The following ARHGAP24 variants were observed in gnomAD, a reference collection of about 807,000 sequenced individuals.
ARHGAP24 encodes rho GTPase-activating protein 24.
In ARHGAP24, 50 loss-of-function variants were observed where a neutral mutation model predicts 76.4. The observed-to-expected ratio is 0.65, with a 90% confidence interval of 0.52 to 0.83. The LOEUF (loss-of-function observed/expected upper bound fraction) is 0.83, where lower values mean the gene tolerates loss of function less well. ARHGAP24 is among the 40% of genes least tolerant of loss of function. The probability of loss-of-function intolerance (pLI) is 0.00; values close to 1 mark genes in which losing one functional copy is unlikely to be tolerated. For missense variants in ARHGAP24, 930 were observed against 914.2 expected (o/e 1.02, Z -0.22); for synonymous variants, 345 against 323.3 (o/e 1.07, Z -0.72).
At chr4:85,955,302 C>A (rs1348369810) in intron 5 of ARHGAP24, among the ~76,000 whole-genome samples, 1 of 151,434 alleles carries the variant, frequency 6.6e-6, no homozygotes, top group Non-Finnish European at 1.5e-5. Context: ...AATTCCCCTT[C>A]CTTCTGGAGT....
chr4:85,556,520 G>A (rs541216875), intron 1 of ARHGAP24, among the ~76,000 whole-genome samples: 2 of 152,276 alleles, frequency 1.3e-5, no homozygotes, highest in South Asian at 4.1e-4. Flanking sequence ...GACAGTCAGG[G>A]CAGTACTGCT....
intron 3 of ARHGAP24, among the ~76,000 whole-genome samples, chr4:85,770,907 T>A (rs1465185807): frequency 6.6e-6 from 1 of 152,080 alleles, no homozygotes; most frequent in East Asian, 1.9e-4. Context: ...GGCAGGAGAG[T>A]GAACTGAGAT....
intron 2 of ARHGAP24, among the ~76,000 whole-genome samples, chr4:85,581,162 C>T (rs1433756296): frequency 1.3e-5 from 2 of 151,966 alleles, no homozygotes; most frequent in East Asian, 3.9e-4. Flanking sequence ...TTGCCATATA[C>T]ACAAATATGA....
chr4:85,710,190 A>G (rs975261613), intron 2 of ARHGAP24, among the ~76,000 whole-genome samples: 1 of 152,158 alleles, frequency 6.6e-6, no homozygotes, highest in Non-Finnish European at 1.5e-5. Context: ...AATAGAACCC[A>G]GAAATAAGGT....
At chr4:85,750,475 CTT>C (rs1251783539) in intron 3 of ARHGAP24, among the ~76,000 whole-genome samples, 5 of 116,826 alleles carry the variant, frequency 4.3e-5, no homozygotes, top group East Asian at 5.1e-4. Flanking sequence ...TAACATGACT[CTT>C]TTCATTCCTT....
At chr4:85,729,895 C>A (rs534432055) in intron 3 of ARHGAP24, among the ~76,000 whole-genome samples, 2 of 152,222 alleles carry the variant, frequency 1.3e-5, no homozygotes, top group African/African-American at 4.8e-5. Flanking sequence ...TTGCTGACCC[C>A]TGGGCTAGAT....
chr4:85,802,210 C>T (rs1433097644), intron 3 of ARHGAP24, among the ~76,000 whole-genome samples: 1 of 152,088 alleles, frequency 6.6e-6, no homozygotes, highest in East Asian at 1.9e-4. Context: ...AACCAAACGA[C>T]TTTACCTCTC....
intron 5 of ARHGAP24, among the ~76,000 whole-genome samples, chr4:85,952,735 C>A (rs1737691519): frequency 6.6e-6 from 1 of 152,130 alleles, no homozygotes; most frequent in Admixed American, 6.6e-5. Flanking sequence ...TTCCCACATA[C>A]TCCTTGGCCA....
intron 1 of ARHGAP24, among the ~76,000 whole-genome samples, chr4:85,547,307 TTTTA>T (rs1435716537): frequency 6.6e-6 from 1 of 152,166 alleles, no homozygotes; most frequent in Non-Finnish European, 1.5e-5. Context: ...TGTCCCTCAG[TTTTA>T]TTTGTCTGTT....
intron 3 of ARHGAP24, among the ~76,000 whole-genome samples, chr4:85,891,114 T>C (rs1178072397): frequency 6.6e-6 from 1 of 152,030 alleles, no homozygotes; most frequent in Non-Finnish European, 1.5e-5. Flanking sequence ...GACAGAGATT[T>C]TGGAAGTAGT....
chr4:85,834,190 A>G (rs1730145698), intron 3 of ARHGAP24, among the ~76,000 whole-genome samples: 1 of 152,160 alleles, frequency 6.6e-6, no homozygotes, highest in South Asian at 2.1e-4. Flanking sequence ...AGAGAGAATA[A>G]AAAGAATTAA....
intron 3 of ARHGAP24, among the ~76,000 whole-genome samples, chr4:85,844,476 A>C (rs893168132): frequency 6.6e-6 from 1 of 152,252 alleles, no homozygotes; most frequent in Non-Finnish European, 1.5e-5. Context: ...AAATACCTTT[A>C]GTCTTCTATT....
chr4:85,794,679 C>T lies in ARHGAP24; in HGVS notation c.268+72707C>T, dbSNP rs565782355. Reference sequence around the variant, plus strand: ...TGTATTTTCAGTAGAGACAGGGTTTCGCCATGTTGGCCAGGCTGGTCTTGA... The same window carrying T: ...TGTATTTTCAGTAGAGACAGGGTTTTGCCATGTTGGCCAGGCTGGTCTTGA... On this transcript the variant is annotated intron_variant, in intron 3 of 9. Transcript: ENST00000395184. Among the ~76,000 whole-genome samples, 18 of 152,286 alleles carry T rather than the reference C, an allele frequency of 1.2e-4. No individual in the cohort carries two copies. The South Asian group carries it at 3.7e-3, about 32-fold the overall frequency.
At chr4:85,848,620 G>T (rs1173419974) in intron 3 of ARHGAP24, among the ~76,000 whole-genome samples, 2 of 152,130 alleles carry the variant, frequency 1.3e-5, no homozygotes, top group Non-Finnish European at 2.9e-5. Context: ...GTTAATTTTT[G>T]TATAAGGTGC....
At chr4:85,617,628 C>T (rs1038445623) in intron 2 of ARHGAP24, among the ~76,000 whole-genome samples, 2 of 152,020 alleles carry the variant, frequency 1.3e-5, no homozygotes, top group Non-Finnish European at 2.9e-5. Context: ...TTTGATTAGT[C>T]CCTATTGATG....
chr4:85,784,182 G>A (rs1560631346), intron 3 of ARHGAP24, among the ~76,000 whole-genome samples: 1 of 151,998 alleles, frequency 6.6e-6, no homozygotes, highest in Admixed American at 6.6e-5. Flanking sequence ...TTCACCTTCT[G>A]TTCTTTCTGC....
chr4:85,547,302 C>G (rs562651541), intron 1 of ARHGAP24, among the ~76,000 whole-genome samples: 40 of 152,184 alleles, frequency 2.6e-4, no homozygotes, highest in African/African-American at 9.4e-4. Context: ...CAATATGTCC[C>G]TCAGTTTTAT....
At chr4:85,545,774 A>T (rs1725899913) in intron 1 of ARHGAP24, among the ~76,000 whole-genome samples, 1 of 152,202 alleles carries the variant, frequency 6.6e-6, no homozygotes, top group Non-Finnish European at 1.5e-5. Flanking sequence ...TGCATATACA[A>T]CATGTATATG....
chr4:85,731,275 G>A (rs1385299734), intron 3 of ARHGAP24, among the ~76,000 whole-genome samples: 1 of 152,086 alleles, frequency 6.6e-6, no homozygotes, highest in Admixed American at 6.5e-5. Flanking sequence ...GGGGTTATAG[G>A]TTTAAGAGTC....
Sources: gnomAD v4.1 joint callset for allele counts (sites outside exome capture counted in the v4.1 genomes callset) on GRCh38, gnomAD v4.1.1 for gene constraint, MANE v1.5 for transcripts, NCBI Gene and HGNC (gene_info 2026-07-23, HGNC 2026-07-21) for gene names.